The following ME2 variants were observed in gnomAD, a reference collection of about 807,000 sequenced individuals.
The protein encoded by ME2 is malic enzyme 2.
Under a neutral mutation model 73.7 loss-of-function variants are expected in ME2, and 60 were observed. That is an observed-to-expected ratio of 0.81 (90% CI 0.66 to 1.01). The LOEUF (loss-of-function observed/expected upper bound fraction) is 1.01. Among genes scored for constraint, ME2 ranks in the 50% least tolerant of loss-of-function variants. The pLI is 0.00. For missense variants in ME2, 594 were observed against 705.5 expected (o/e 0.84, Z 1.79); for synonymous variants, 199 against 236.9 (o/e 0.84, Z 1.47).
At chr18:50,889,805 T>C (rs1258781802) in intron 1 of ME2, among the ~76,000 whole-genome samples, 1 of 152,208 alleles carries the variant, frequency 6.6e-6, no homozygotes, top group Non-Finnish European at 1.5e-5. Context: ...TATTCTTATT[T>C]GGCAATGCTT....
chr18:50,888,099 T>C (rs958380237), intron 1 of ME2, among the ~76,000 whole-genome samples: 30 of 152,152 alleles, frequency 2.0e-4, no homozygotes, highest in African/African-American at 6.5e-4. Flanking sequence ...CATAACACTT[T>C]GGGAGGTTGA....
chr18:50,909,337 C>T (rs1384438479), intron 3 of ME2, among the ~76,000 whole-genome samples: 1 of 152,100 alleles, frequency 6.6e-6, no homozygotes, highest in Non-Finnish European at 1.5e-5. Context: ...GACAGTTATG[C>T]TATGATTGTT....
chr18:50,908,323 T>C, intron 3 of ME2, 127 bp downstream of exon 3: 1 of 597,278 alleles, frequency 1.7e-6, no homozygotes, highest in Non-Finnish European at 2.8e-6. Context: ...GTTAACTACT[T>C]TTATAAAGAT....
intron 2 of ME2, among the ~76,000 whole-genome samples, chr18:50,900,655 C>T (rs1429653908): frequency 6.6e-6 from 1 of 152,134 alleles, no homozygotes; most frequent in Non-Finnish European, 1.5e-5. Context: ...CCACCCAAAT[C>T]TCATCTTGAA....
chr18:50,895,960 T>C, intron 2 of ME2, 32 bp downstream of exon 2: 1 of 1,406,266 alleles, frequency 7.1e-7, no homozygotes, highest in Non-Finnish European at 1.0e-6. Context: ...GTACATTTTC[T>C]CTCTTCTTAT....
intron 4 of ME2, 177 bp downstream of exon 4, chr18:50,913,127 T>C: frequency 4.3e-6 from 2 of 465,156 alleles, no homozygotes; most frequent in South Asian, 8.7e-5. Context: ...ATAACTTTTA[T>C]CTTTGTAAAA....
At chr18:50,917,592 T>A in intron 6 of ME2, 84 bp downstream of exon 6, 1 of 1,009,934 alleles carries the variant, frequency 9.9e-7, no homozygotes, top group Non-Finnish European at 1.4e-6. Context: ...AATGATAATT[T>A]AAGAAGGGAA....
intron 1 of ME2, among the ~76,000 whole-genome samples, chr18:50,879,944 T>C (rs1916272754): frequency 6.6e-6 from 1 of 152,212 alleles, no homozygotes; most frequent in South Asian, 2.1e-4. Flanking sequence ...CTTTTTTGGT[T>C]CCAGAGATAA....
At chr18:50,910,667 A>G (rs1342269091) in intron 3 of ME2, among the ~76,000 whole-genome samples, 1 of 152,140 alleles carries the variant, frequency 6.6e-6, no homozygotes, top group Non-Finnish European at 1.5e-5. Context: ...CAGGACTGCT[A>G]ATGTGCCTGG....
intron 12 of ME2, among the ~76,000 whole-genome samples, 172 bp downstream of exon 12, chr18:50,926,070 C>G (rs758197378): frequency 2.0e-5 from 3 of 152,144 alleles, no homozygotes; most frequent in Admixed American, 6.5e-5. Context: ...GAAACAGGTA[C>G]TTTATAACTC....
intron 2 of ME2, among the ~76,000 whole-genome samples, chr18:50,897,403 G>C (rs1361810532): frequency 6.6e-6 from 1 of 152,164 alleles, no homozygotes; most frequent in Non-Finnish European, 1.5e-5. Context: ...ATGGAGCATA[G>C]TCTAAGTGCA....
chr18:50,904,335 G>A (rs150432350), intron 2 of ME2, among the ~76,000 whole-genome samples: 177 of 150,508 alleles, frequency 1.2e-3, no homozygotes, highest in African/African-American at 4.0e-3. Flanking sequence ...CTGGAGTGCA[G>A]TGGTGCAATC....
intron 1 of ME2, among the ~76,000 whole-genome samples, chr18:50,888,782 T>A (rs1171458840): frequency 6.6e-6 from 1 of 152,172 alleles, no homozygotes; most frequent in Admixed American, 6.5e-5. Flanking sequence ...TTAAATAGTG[T>A]GGTATTATAC....
chr18:50,921,294 A>G (rs1917421798), intron 10 of ME2, 107 bp downstream of exon 10: 2 of 563,850 alleles, frequency 3.5e-6, no homozygotes, highest in Admixed American at 3.8e-5. Flanking sequence ...TCTCCAAATT[A>G]TACCAATTGG....
chr18:50,934,129 G>T (rs1476095617), intron 13 of ME2: 1 of 152,054 alleles, frequency 6.6e-6, no homozygotes, highest in Non-Finnish European at 1.5e-5. Context: ...GAATAGTGCT[G>T]CAGTGAACAT....
At chr18:50,891,264 G>T (rs921215981) in intron 1 of ME2, among the ~76,000 whole-genome samples, 1 of 152,160 alleles carries the variant, frequency 6.6e-6, no homozygotes, top group Admixed American at 6.5e-5. Flanking sequence ...GCTTTTTCAA[G>T]AGGGAGTTTG....
chr18:50,890,436 A>G (rs1338240905), intron 1 of ME2, among the ~76,000 whole-genome samples: 1 of 152,180 alleles, frequency 6.6e-6, no homozygotes, highest in African/African-American at 2.4e-5. Flanking sequence ...TATTAAAGTG[A>G]ATTTTAATAA....
Position 50,921,035 on chromosome 18 carries a change from T to G in ME2, c.943-39T>G, listed in dbSNP as rs200918537. 2.9e-5 allele frequency: 28 copies of G among 970,988 alleles called. No homozygotes were observed. In the African/African-American group the frequency reaches 3.4e-4, roughly 12 times the overall value. 60.1% of individuals were successfully genotyped at this position (970,988 alleles called of 1,614,324 possible). A position where few individuals can be genotyped will look rare whatever the true frequency, so the allele number is the denominator to read the frequency against. ...ATAAAGTAATTCAAGCATTGCATCGTACTCTAGTATATATTAAAATTTATG... is the reference window on the plus strand; with the variant it reads ...ATAAAGTAATTCAAGCATTGCATCGGACTCTAGTATATATTAAAATTTATG... On this transcript the variant is annotated intron_variant, in intron 9 of 15. Coordinates refer to ENST00000321341, the MANE Select transcript of ME2 (RefSeq NM_002396.5).
intron 1 of ME2, among the ~76,000 whole-genome samples, chr18:50,883,248 C>CT (rs994818514): frequency 1.3e-5 from 2 of 152,194 alleles, no homozygotes; most frequent in African/African-American, 4.8e-5. Context: ...ACTCTCCAGT[C>CT]TGTCTGACAG....
Sources: gnomAD v4.1 joint callset for allele counts (sites outside exome capture counted in the v4.1 genomes callset) on GRCh38, gnomAD v4.1.1 for gene constraint, MANE v1.5 for transcripts, NCBI Gene and HGNC (gene_info 2026-07-23, HGNC 2026-07-21) for gene names.